SLC4A4: variants seen among roughly 807,000 people sequenced by gnomAD.
SLC4A4 encodes solute carrier family 4 member 4, also known as electrogenic sodium bicarbonate cotransporter 1.
A neutral mutation model predicts 111.5 loss-of-function variants in SLC4A4; 27 were observed. That is an observed-to-expected ratio of 0.24 (90% CI 0.18 to 0.33). The LOEUF is 0.33. SLC4A4 is among the 10% of genes least tolerant of loss of function. The pLI, the probability that SLC4A4 is intolerant of heterozygous loss-of-function variation, is 1.00. For synonymous variants in SLC4A4, 443 were observed against 463.4 expected, an observed-to-expected ratio of 0.96 and a Z score of 0.57; for missense variants, 909 against 1,315.5, an observed-to-expected ratio of 0.69 and a Z score of 4.78.
Position 71,384,976 on chromosome 4 carries a change from A to G in SLC4A4, c.731-12601A>G, listed in dbSNP as rs4694392. 6.2e-3 allele frequency among the ~76,000 whole-genome samples: 940 copies of G among 151,624 alleles called. 21 individuals are homozygous for G. Among genetic ancestry groups the G allele is most frequent in the East Asian group, 0.054 (279 of 5,134 alleles). On this transcript the variant is annotated intron_variant, in intron 6 of 25. Coordinates refer to ENST00000264485, the MANE Select transcript of SLC4A4 (RefSeq NM_001098484.3). ...AAACCACCATGGCACGTGTATACCT[A>G]TGTAACAAAACTGCACGTTCTGCAC... is the stretch of plus-strand genomic sequence containing the variant.
Position 71,506,112 on chromosome 4 carries a change from G to A in SLC4A4, c.2166+8420G>A, listed in dbSNP as rs1731394328. Among the ~76,000 whole-genome samples the A allele has an allele frequency of 2.0e-5, 3 of 152,226 alleles. No homozygotes were observed. The South Asian group carries it at 6.2e-4, about 32-fold the overall frequency. On this transcript the variant is annotated intron_variant, in intron 16 of 25. Transcript: ENST00000264485. ...CTGTAGCCCTGTAGTTTGAAGTCAG[G>A]TAGCATGATGCCTCCAGCATTGTTC...
At position 71,138,732 on chromosome 4, in the gene SLC4A4, G is replaced by C. The variant is rs557717437; in HGVS notation, c.-2+45940G>C. Among the ~76,000 whole-genome samples the C allele has an allele frequency of 4.8e-4, 73 of 152,212 alleles. No homozygotes were observed. The South Asian group carries it at 0.015, about 31-fold the overall frequency. ...AGAAGGCTGGTTGGGTATGTTGGGG[G>C]CCAGGTAAAGAATCAGTAAGTTGGC... On this transcript the variant is annotated intron_variant, in intron 2 of 26. Transcript: ENST00000649996.
intron 2 of SLC4A4, among the ~76,000 whole-genome samples, chr4:71,173,680 C>T (rs75503155): frequency 0.053 from 8,022 of 152,192 alleles, 671 homozygotes; most frequent in African/African-American, 0.18. Flanking sequence ...TGGCTATCCC[C>T]AACAATTATC....
intron 7 of SLC4A4, among the ~76,000 whole-genome samples, chr4:71,419,415 C>T (rs1467292436): frequency 1.3e-5 from 2 of 152,246 alleles, no homozygotes; most frequent in African/African-American, 2.4e-5. Flanking sequence ...GCCCCTCCCC[C>T]AGCCTCACTG....
intron 2 of SLC4A4, among the ~76,000 whole-genome samples, chr4:71,146,290 T>C (rs1485457385): frequency 2.6e-5 from 4 of 152,202 alleles, no homozygotes; most frequent in East Asian, 3.8e-4. Context: ...AGTTCTAGTT[T>C]GATTGCACTG....
intron 3 of SLC4A4, among the ~76,000 whole-genome samples, chr4:71,274,057 TAAC>T (rs1292231474): frequency 6.6e-6 from 1 of 152,206 alleles, no homozygotes; most frequent in African/African-American, 2.4e-5. Flanking sequence ...CCTCAGAACT[TAAC>T]TACTAATAGC....
chr4:71,242,267 A>G (rs1258888262), intron 2 of SLC4A4, among the ~76,000 whole-genome samples: 1 of 152,212 alleles, frequency 6.6e-6, no homozygotes, highest in Non-Finnish European at 1.5e-5. Context: ...GTACACTTAT[A>G]GCAGTTTTGC....
chr4:71,425,201 A>G lies in SLC4A4; in HGVS notation c.808-15415A>G, dbSNP rs561374866. 4.6e-5 allele frequency among the ~76,000 whole-genome samples: 7 copies of G among 152,232 alleles called. No individual in the cohort carries two copies. The South Asian group carries it at 1.5e-3, about 32-fold the overall frequency. Reference sequence around the variant, plus strand: ...GTCCTCAGCTCAACACTCTCTCCAGAAGATCATCGGAGAAATGTGTACACA... The same window carrying G: ...GTCCTCAGCTCAACACTCTCTCCAGGAGATCATCGGAGAAATGTGTACACA... On this transcript the variant is annotated intron_variant, in intron 7 of 25. Coordinates refer to ENST00000264485, the MANE Select transcript of SLC4A4 (RefSeq NM_001098484.3).
chr4:71,379,050 T>A (rs1488336393), intron 6 of SLC4A4, among the ~76,000 whole-genome samples: 3 of 152,232 alleles, frequency 2.0e-5, no homozygotes, highest in African/African-American at 4.8e-5. Context: ...TCATCATCTC[T>A]TGTGGGACCA....
chr4:71,546,231 T>A, intron 18 of SLC4A4, 119 bp from the exon 19 acceptor site: 1 of 866,864 alleles, frequency 1.2e-6, no homozygotes, highest in Non-Finnish European at 1.9e-6. Context: ...TTCAAGGAGT[T>A]TAACTTACCA....
rs191121937 is a variant in SLC4A4 at position 71,331,915 on chromosome 4, A to G, written c.254-7455A>G. Among the ~76,000 whole-genome samples the G allele has an allele frequency of 7.3e-3, 1,118 of 152,246 alleles. 14 individuals carry two copies. Among genetic ancestry groups the G allele is most frequent in the African/African-American group, 0.024 (986 of 41,530 alleles). On this transcript the variant is annotated intron_variant, in intron 3 of 25. Coordinates refer to ENST00000264485, the MANE Select transcript of SLC4A4 (RefSeq NM_001098484.3). ...TCTTGGTTCAATCTTGGTAAGTTGA[A>G]TGTGTCTAAGATTTGTCCATTTCTT...
chr4:71,485,917 C>T (rs150923927), intron 14 of SLC4A4, among the ~76,000 whole-genome samples: 24 of 151,552 alleles, frequency 1.6e-4, no homozygotes, highest in African/African-American at 4.6e-4. Flanking sequence ...TCTGTCCCTC[C>T]CTTATGGATC....
intron 3 of SLC4A4, among the ~76,000 whole-genome samples, chr4:71,322,506 G>C (rs1295689551): frequency 6.6e-6 from 1 of 151,994 alleles, no homozygotes; most frequent in Non-Finnish European, 1.5e-5. Context: ...AATCTGTAGA[G>C]TTTATTTTGG....
At chr4:71,252,347 C>G (rs1013587323) in intron 2 of SLC4A4, among the ~76,000 whole-genome samples, 5 of 152,146 alleles carry the variant, frequency 3.3e-5, no homozygotes, top group African/African-American at 1.2e-4. Context: ...CTATCTTGCT[C>G]TCTTCTTATA....
At chr4:71,297,509 AACACACACACACACACACAC>A (rs61184918) in intron 3 of SLC4A4, among the ~76,000 whole-genome samples, 1 of 132,056 alleles carries the variant, frequency 7.6e-6, no homozygotes, top group Non-Finnish European at 1.6e-5. Flanking sequence ...CACACAGACA[AACACACACACACACACACAC>A]ACACACACAC....
chr4:71,194,078 T>C (rs1349693), intron 1 of SLC4A4, among the ~76,000 whole-genome samples: 23,172 of 152,232 alleles, frequency 0.15, 2,824 homozygotes, highest in African/African-American at 0.3. Context: ...CTTGTAATGT[T>C]GTATTGCCCA....
chr4:71,376,809 G>A (rs1381357863), intron 6 of SLC4A4, among the ~76,000 whole-genome samples: 1 of 151,048 alleles, frequency 6.6e-6, no homozygotes, highest in Non-Finnish European at 1.5e-5. Context: ...GCTAATTTTT[G>A]TGTTTTTAGT....
chr4:71,186,465 CA>C (rs1333332175), upstream of SLC4A4, among the ~76,000 whole-genome samples: 2 of 152,144 alleles, frequency 1.3e-5, no homozygotes, highest in Non-Finnish European at 2.9e-5. Flanking sequence ...TTGAGTAGGA[CA>C]AAAAGCTGGA....
At chr4:71,220,098 A>G (rs907029400) in intron 1 of SLC4A4, among the ~76,000 whole-genome samples, 1 of 152,232 alleles carries the variant, frequency 6.6e-6, no homozygotes, top group African/African-American at 2.4e-5. Flanking sequence ...AAAAAGTTCT[A>G]CTGTGGGTAA....
Sources: allele counts gnomAD v4.1 joint callset (sites outside exome capture counted in the v4.1 genomes callset), GRCh38; gene constraint gnomAD v4.1.1; transcripts MANE v1.5; gene names NCBI Gene and HGNC (gene_info 2026-07-23, HGNC 2026-07-21).